TAFA1: variants seen among roughly 807,000 people sequenced by gnomAD.
The protein encoded by TAFA1 is chemokine-like protein TAFA-1.
TAFA1 carries 4 observed loss-of-function variants against 18.5 expected under a neutral mutation model. The observed-to-expected ratio is 0.22, with a 90% CI of 0.11 to 0.49. The LOEUF is 0.49. Among genes scored for constraint, TAFA1 ranks in the 20% least tolerant of loss-of-function variants. The pLI, the probability that TAFA1 is intolerant of heterozygous loss-of-function variation, is 0.98. For synonymous variants in TAFA1, 56 were observed against 55.2 expected, an observed-to-expected ratio of 1.01 and a Z score of -0.06; for missense variants, 147 against 169.0, an observed-to-expected ratio of 0.87 and a Z score of 0.72.
chr3:68,096,057 C>T (rs559707658), intron 2 of TAFA1, among the ~76,000 whole-genome samples: 1 of 152,128 alleles, frequency 6.6e-6, no homozygotes, highest in East Asian at 1.9e-4. Context: ...AACTTCTTTT[C>T]ATTCTCCCCC....
intron 3 of TAFA1, among the ~76,000 whole-genome samples, chr3:68,437,146 C>G (rs1237870133): frequency 6.6e-6 from 1 of 152,130 alleles, no homozygotes; most frequent in East Asian, 1.9e-4. Context: ...AAATATGCCA[C>G]CAATGCATCG....
chr3:68,198,634 A>C (rs1332597384), intron 2 of TAFA1, among the ~76,000 whole-genome samples: 1 of 151,370 alleles, frequency 6.6e-6, no homozygotes, highest in African/African-American at 2.4e-5. Context: ...TATGATCTGG[A>C]GCATCTTTTC....
At chr3:68,134,082 A>G (rs1474929098) in intron 2 of TAFA1, among the ~76,000 whole-genome samples, 1 of 122,456 alleles carries the variant, frequency 8.2e-6, no homozygotes, top group Non-Finnish European at 1.8e-5. Flanking sequence ...AAAAAAAAAA[A>G]ACAATGAGAA....
chr3:68,198,659 A>G (rs2107033259), intron 2 of TAFA1, among the ~76,000 whole-genome samples: 1 of 151,518 alleles, frequency 6.6e-6, no homozygotes, highest in South Asian at 2.1e-4. Context: ...GCTTATTTAT[A>G]ATTTCTATGC....
chr3:68,433,631 T>G (rs2071219949), intron 3 of TAFA1, among the ~76,000 whole-genome samples: 1 of 152,146 alleles, frequency 6.6e-6, no homozygotes, highest in African/African-American at 2.4e-5. Context: ...ATTCATGTCT[T>G]TTGTACTTAT....
intron 3 of TAFA1, among the ~76,000 whole-genome samples, chr3:68,524,277 C>T (rs1307574858): frequency 6.6e-6 from 1 of 152,034 alleles, no homozygotes; most frequent in African/African-American, 2.4e-5. Flanking sequence ...GAGCAGTAAG[C>T]CCCAATACAA....
intron 2 of TAFA1, among the ~76,000 whole-genome samples, chr3:68,297,158 G>A (rs955308139): frequency 3.3e-5 from 5 of 152,128 alleles, no homozygotes; most frequent in Non-Finnish European, 5.9e-5. Context: ...CGCTGAAGGG[G>A]TAGTAGGGTA....
intron 2 of TAFA1, among the ~76,000 whole-genome samples, chr3:68,304,247 A>G (rs560887108): frequency 6.6e-6 from 1 of 152,352 alleles, no homozygotes; most frequent in African/African-American, 2.4e-5. Flanking sequence ...CATACAGAAG[A>G]AATCATCCAA....
chr3:68,191,248 C>G (rs1185798302), intron 2 of TAFA1, among the ~76,000 whole-genome samples: 1 of 151,416 alleles, frequency 6.6e-6, no homozygotes, highest in African/African-American at 2.4e-5. Context: ...TCTGATATTC[C>G]TCATATGGAA....
At chr3:68,527,375 T>C (rs189949318) in intron 3 of TAFA1, among the ~76,000 whole-genome samples, 1 of 152,288 alleles carries the variant, frequency 6.6e-6, no homozygotes, top group East Asian at 1.9e-4. Context: ...CATGTACCCC[T>C]GTGTTCCAAT....
chr3:68,000,194 C>G (rs1025870598), upstream of TAFA1, among the ~76,000 whole-genome samples: 5 of 152,110 alleles, frequency 3.3e-5, no homozygotes, highest in Non-Finnish European at 7.4e-5. Context: ...GTCATTCAAG[C>G]ATTTTATTGT....
At chr3:68,278,065 A>G (rs535799721) in intron 2 of TAFA1, among the ~76,000 whole-genome samples, 19 of 152,190 alleles carry the variant, frequency 1.2e-4, no homozygotes, top group Non-Finnish European at 2.5e-4. Flanking sequence ...GGCTAGAAAT[A>G]GAATTGCCAG....
At chr3:68,372,390 G>T (rs1300781269) in intron 2 of TAFA1, among the ~76,000 whole-genome samples, 1 of 152,152 alleles carries the variant, frequency 6.6e-6, no homozygotes, top group Non-Finnish European at 1.5e-5. Flanking sequence ...TGTGGACGTG[G>T]ATCCAGACTT....
intron 3 of TAFA1, among the ~76,000 whole-genome samples, chr3:68,480,714 A>G (rs779592542): frequency 1.3e-5 from 2 of 152,202 alleles, no homozygotes; most frequent in Non-Finnish European, 2.9e-5. Context: ...ACAGCAAATA[A>G]TGAAAGCGTA....
At chr3:68,286,099 T>A (rs1467787752) in intron 2 of TAFA1, among the ~76,000 whole-genome samples, 1 of 151,908 alleles carries the variant, frequency 6.6e-6, no homozygotes, top group East Asian at 1.9e-4. Context: ...TAGTCCCAGC[T>A]ACTCGGGAGG....
chr3:68,533,078 G>A (rs1426563241), intron 3 of TAFA1, among the ~76,000 whole-genome samples: 4 of 147,118 alleles, frequency 2.7e-5, no homozygotes, highest in African/African-American at 7.7e-5. Flanking sequence ...AGGGTGGTAA[G>A]GAGAACAAAA....
At chr3:68,021,686 T>C (rs1172058928) in intron 2 of TAFA1, among the ~76,000 whole-genome samples, 1 of 152,148 alleles carries the variant, frequency 6.6e-6, no homozygotes, top group Admixed American at 6.5e-5. Flanking sequence ...TTTTGAGCTC[T>C]AGCAAGAAAG....
chr3:68,525,095 A>T (rs985256728), intron 3 of TAFA1, among the ~76,000 whole-genome samples: 1 of 152,182 alleles, frequency 6.6e-6, no homozygotes, highest in East Asian at 1.9e-4. Flanking sequence ...TAGAACTAAG[A>T]TGTTGAACTT....
intron 2 of TAFA1, among the ~76,000 whole-genome samples, chr3:68,297,985 T>G (rs2068239924): frequency 6.6e-6 from 1 of 152,232 alleles, no homozygotes; most frequent in Non-Finnish European, 1.5e-5. Context: ...ATTGATTTAA[T>G]TTATACTTTC....
Sources: gnomAD v4.1 joint callset for allele counts (sites outside exome capture counted in the v4.1 genomes callset) on GRCh38, gnomAD v4.1.1 for gene constraint, MANE v1.5 for transcripts, NCBI Gene and HGNC (gene_info 2026-07-23, HGNC 2026-07-21) for gene names.